GJC1: variants seen among roughly 807,000 people sequenced by gnomAD.
GJC1 encodes gap junction protein gamma 1.
Under a neutral mutation model 29.3 loss-of-function variants are expected in GJC1, and 5 were observed. The observed-to-expected ratio is 0.17, with a 90% CI of 0.09 to 0.36. The LOEUF (loss-of-function observed/expected upper bound fraction) is 0.36. Ranked by LOEUF, GJC1 falls within the 10% of genes least tolerant of loss-of-function variation. The probability of loss-of-function intolerance (pLI) is 1.00; values close to 1 mark genes in which losing one functional copy is unlikely to be tolerated. For missense variants in GJC1, 310 were observed against 496.2 expected (o/e 0.62, Z 3.56); for synonymous variants, 177 against 183.3 (o/e 0.97, Z 0.28).
intron 1 of GJC1, among the ~76,000 whole-genome samples, chr17:44,809,803 G>A (rs1799941336): frequency 1.3e-5 from 2 of 152,070 alleles, no homozygotes; most frequent in Admixed American, 6.5e-5. Flanking sequence ...CTGACCTCAG[G>A]TGATCCGCCT....
chr17:44,827,131 G>A (rs976346380), intron 1 of GJC1, among the ~76,000 whole-genome samples: 1 of 152,120 alleles, frequency 6.6e-6, no homozygotes, highest in Non-Finnish European at 1.5e-5. Flanking sequence ...CCAACATGGT[G>A]AAACCCCGTC....
intron 1 of GJC1, among the ~76,000 whole-genome samples, chr17:44,814,290 G>A (rs1461573325): frequency 2.0e-5 from 3 of 151,748 alleles, no homozygotes; most frequent in East Asian, 1.9e-4. Flanking sequence ...ACAGGTGCCC[G>A]CCACCACGCC....
At chr17:44,809,890 G>C (rs1038601321) in intron 1 of GJC1, among the ~76,000 whole-genome samples, 8 of 135,998 alleles carry the variant, frequency 5.9e-5, no homozygotes, top group African/African-American at 2.2e-4. Context: ...AGACAGTCTC[G>C]CTTTTTTGGC....
Position 44,804,663 on chromosome 17 carries a change from G to A in GJC1, c.1155C>T (p.Ser385=). 2 of 1,613,930 alleles carry A rather than the reference G, an allele frequency of 1.2e-6. No individual in the cohort carries two copies. The highest frequency in any genetic ancestry group is 8.5e-7 in the Non-Finnish European group (1 of 1,179,908). The change falls in exon 3 of 3, where the codon AGC becomes AGT. Residue 385 remains serine, a synonymous_variant. Coordinates refer to ENST00000592524, the MANE Select transcript of GJC1 (RefSeq NM_005497.4). ...KAGSNKSTAS[S]KSGDGKTSVW... ...CGGAGGTCTTCCCATCCCCTGATTT[G>A]CTACTGGCAGTGCTTTTGTTGGACC... is the stretch of plus-strand genomic sequence containing the variant.
In GJC1 at chr17:44,805,481, G is replaced by T. The variant is rs772533979; in HGVS notation, c.337C>A (p.Arg113=). Residue 113 remains arginine, a synonymous_variant, in exon 3 of 3, where the codon CGG becomes AGG. Coordinates refer to ENST00000592524, the MANE Select transcript of GJC1 (RefSeq NM_005497.4). The surrounding 1 kb of genome is among the most constrained non-coding windows in gnomAD (Gnocchi z 5.1). ...EHGEADKKAA[R]SKPYAMRWKQ... is the part of the protein sequence containing the mutation. The stretch of plus-strand genomic sequence containing the variant: ...CAGCGCATTGCATAGGGCTTGCTCC[G>T]AGCTGCCTTCTTGTCTGCTTCACCG... The T allele has an allele frequency of 1.2e-6, 2 of 1,613,952 alleles. No homozygotes were observed. Among genetic ancestry groups the T allele is most frequent in the East Asian group, 4.5e-5 (2 of 44,894 alleles).
At chr17:44,827,915 A>G (rs1363625360) in intron 1 of GJC1, among the ~76,000 whole-genome samples, 2 of 152,220 alleles carry the variant, frequency 1.3e-5, no homozygotes, top group Non-Finnish European at 2.9e-5. Context: ...ACCAATTTTG[A>G]AATGTGAACA....
intron 1 of GJC1, among the ~76,000 whole-genome samples, chr17:44,816,767 C>T (rs541374682): frequency 1.3e-5 from 2 of 151,836 alleles, no homozygotes; most frequent in African/African-American, 2.4e-5. Flanking sequence ...GGCCTCCCAA[C>T]GTGCTGGGAT....
intron 1 of GJC1, among the ~76,000 whole-genome samples, chr17:44,823,732 G>T (rs1426751885): frequency 2.0e-5 from 3 of 148,334 alleles, no homozygotes; most frequent in African/African-American, 7.5e-5. Context: ...TTTTTTTTGA[G>T]ATGGAGTCTT....
At chr17:44,812,656 T>C (rs2049997287) in intron 1 of GJC1, among the ~76,000 whole-genome samples, 1 of 152,060 alleles carries the variant, frequency 6.6e-6, no homozygotes, top group Non-Finnish European at 1.5e-5. Context: ...ATGAACTTTT[T>C]TTTTTTTAAT....
intron 1 of GJC1, among the ~76,000 whole-genome samples, chr17:44,822,196 C>CAAA (rs59152296): frequency 4.4e-4 from 21 of 47,556 alleles, no homozygotes; most frequent in African/African-American, 8.3e-4. Context: ...GACTCCGTCT[C>CAAA]AAAAAAAAAA....
At chr17:44,811,814 G>A (rs1023477031) in intron 1 of GJC1, among the ~76,000 whole-genome samples, 1 of 151,936 alleles carries the variant, frequency 6.6e-6, no homozygotes, top group African/African-American at 2.4e-5. Context: ...GACTGGCCTA[G>A]CTAACATGGT....
chr17:44,810,240 G>T (rs1169240910), intron 1 of GJC1, among the ~76,000 whole-genome samples: 1 of 151,526 alleles, frequency 6.6e-6, no homozygotes, highest in African/African-American at 2.4e-5. Flanking sequence ...CAGGTAATCC[G>T]CCTGCCTCAG....
rs758761020 is a variant in GJC1 at position 44,799,224 on chromosome 17, T to G, written c.*5403A>C. 2 of 152,166 alleles carry G rather than the reference T, an allele frequency of 1.3e-5. No individual in the cohort carries two copies. The highest frequency in any genetic ancestry group is 2.9e-5 in the Non-Finnish European group (2 of 68,082). 9.4% of individuals were successfully genotyped at this position (152,166 alleles called of 1,614,324 possible). On this transcript the variant is annotated 3_prime_UTR_variant, in exon 3 of 3. Transcript: ENST00000592524. Reference sequence around the variant, plus strand: ...ACTGGATAACTTTTTTCCTCTTTTTTGGCGACAGTCTTACTCTGTCACCCA... The same window carrying G: ...ACTGGATAACTTTTTTCCTCTTTTTGGGCGACAGTCTTACTCTGTCACCCA...
At chr17:44,830,760 A>G, upstream of GJC1, 1 of 398,552 alleles carries the variant, frequency 2.5e-6, no homozygotes, top group Non-Finnish European at 4.4e-6. This position sits in a 1 kb window ranked among gnomAD's most constrained non-coding sequence, Gnocchi z 4.3. Context: ...CAATTCCTCG[A>G]GGATCTGGCG....
intron 1 of GJC1, among the ~76,000 whole-genome samples, chr17:44,827,863 CA>C (rs11307466): frequency 0.52 from 77,648 of 148,928 alleles, 20,165 homozygotes; most frequent in East Asian, 0.6. Context: ...GACTCCATCT[CA>C]AAAAAAAAAG....
At chr17:44,795,716 C>A (rs1244040497), downstream of GJC1, among the ~76,000 whole-genome samples, 1 of 152,232 alleles carries the variant, frequency 6.6e-6, no homozygotes, top group Non-Finnish European at 1.5e-5. Flanking sequence ...TGAATGTTTA[C>A]AGCTGAAGCC....
At chr17:44,818,455 C>T (rs964880903) in intron 1 of GJC1, among the ~76,000 whole-genome samples, 36 of 151,530 alleles carry the variant, frequency 2.4e-4, no homozygotes, top group African/African-American at 8.0e-4. Flanking sequence ...AACTATTAAC[C>T]CAAGAAATCA....
chr17:44,816,875 T>C (rs941493193), intron 1 of GJC1, among the ~76,000 whole-genome samples: 8 of 152,172 alleles, frequency 5.3e-5, no homozygotes, highest in Admixed American at 1.3e-4. Context: ...TAGATTCTAA[T>C]ATTAAACTCA....
chr17:44,810,780 A>AT (rs34260292), intron 1 of GJC1, among the ~76,000 whole-genome samples: 46 of 145,506 alleles, frequency 3.2e-4, no homozygotes, highest in Admixed American at 9.0e-4. Context: ...CAATTAATTC[A>AT]TTTTTTTTTT....
Sources: allele counts gnomAD v4.1 joint callset (sites outside exome capture counted in the v4.1 genomes callset), GRCh38; gene constraint gnomAD v4.1.1; non-coding constraint Gnocchi (gnomAD v3.1); transcripts MANE v1.5; gene names NCBI Gene and HGNC (gene_info 2026-07-23, HGNC 2026-07-21).